The following CTNNA3 variants were observed in gnomAD, a reference collection of about 807,000 sequenced individuals.
CTNNA3 encodes catenin alpha 3.
Under a neutral mutation model 95.7 loss-of-function variants are expected in CTNNA3, and 76 were observed. The observed-to-expected ratio is 0.79, with a 90% CI of 0.66 to 0.96. CTNNA3 has a LOEUF of 0.96. CTNNA3 is among the 40% of genes least tolerant of loss of function. The pLI is 0.00. For missense variants in CTNNA3, 1,191 were observed against 1,089.8 expected (o/e 1.09, Z -1.31); for synonymous variants, 431 against 374.4 (o/e 1.15, Z -1.74).
chr10:66,210,275 A>C (rs2088055325), intron 13 of CTNNA3, among the ~76,000 whole-genome samples: 1 of 151,270 alleles, frequency 6.6e-6, no homozygotes, highest in South Asian at 2.1e-4. Context: ...TGGGGAAAAA[A>C]TGGCAATGAT....
intron 7 of CTNNA3, among the ~76,000 whole-genome samples, chr10:67,069,570 C>G (rs985987586): frequency 1.7e-4 from 24 of 142,636 alleles, no homozygotes; most frequent in Middle Eastern, 7.5e-3. Context: ...CCACCCCACC[C>G]CACCCCACCC....
chr10:67,666,494 AT>A lies in CTNNA3; in HGVS notation c.-5-18977del, dbSNP rs80210534. 0.034 allele frequency among the ~76,000 whole-genome samples: 5,160 copies of A among 152,172 alleles called. 616 individuals carry two copies. The East Asian group carries it at 0.44, about 13-fold the overall frequency. Reference sequence around the variant, plus strand: ...ATTGGCTTCATTCTTCACATTTACAATTTTTTCCTATATTATTTCACAATAC... The same window carrying A: ...ATTGGCTTCATTCTTCACATTTACAATTTTTCCTATATTATTTCACAATAC... On this transcript the variant is annotated intron_variant, in intron 1 of 17. Coordinates refer to ENST00000433211, the MANE Select transcript of CTNNA3 (RefSeq NM_013266.4).
intron 13 of CTNNA3, among the ~76,000 whole-genome samples, chr10:66,235,154 C>T (rs2089787282): frequency 6.6e-6 from 1 of 152,198 alleles, no homozygotes; most frequent in Non-Finnish European, 1.5e-5. Flanking sequence ...AAATTATACC[C>T]AGACTGCTGA....
intron 10 of CTNNA3, among the ~76,000 whole-genome samples, chr10:66,545,972 A>G (rs1308145083): frequency 4.0e-5 from 6 of 150,256 alleles, no homozygotes; most frequent in Non-Finnish European, 8.9e-5. Context: ...TAAATATAAT[A>G]TATTTATCTT....
At chr10:66,688,059 A>G (rs1847368377) in intron 9 of CTNNA3, among the ~76,000 whole-genome samples, 3 of 152,140 alleles carry the variant, frequency 2.0e-5, no homozygotes, top group Admixed American at 1.3e-4. Flanking sequence ...ATATGGTAGA[A>G]TTAAAGTAAA....
chr10:66,033,809 T>C (rs2079499948), intron 15 of CTNNA3, among the ~76,000 whole-genome samples: 1 of 152,150 alleles, frequency 6.6e-6, no homozygotes, highest in Non-Finnish European at 1.5e-5. Context: ...CCTCTACACG[T>C]CATAGAGAGA....
rs115554709 is a variant in CTNNA3, at chr10:66,419,672, C to T, written c.1532-40320G>A. 5.0e-3 allele frequency among the ~76,000 whole-genome samples: 760 copies of T among 152,218 alleles called. 7 individuals are homozygous for T. Among genetic ancestry groups the T allele is most frequent in the African/African-American group, 0.017 (723 of 41,564 alleles). On this transcript the variant is annotated intron_variant, in intron 11 of 17. Coordinates refer to ENST00000433211, the MANE Select transcript of CTNNA3 (RefSeq NM_013266.4). ...GGGCTATAATAACCAAAACACTTGGCATTGGCATAAAAATAGACACATACC... is the reference window on the plus strand; with the variant it reads ...GGGCTATAATAACCAAAACACTTGGTATTGGCATAAAAATAGACACATACC...
At chr10:67,392,953 G>A (rs1163105910) in intron 5 of CTNNA3, among the ~76,000 whole-genome samples, 2 of 152,068 alleles carry the variant, frequency 1.3e-5, no homozygotes, top group Non-Finnish European at 2.9e-5. Flanking sequence ...TATACCTAAT[G>A]CTAGATGATG....
chr10:66,797,719 A>T (rs1009289132), intron 7 of CTNNA3, among the ~76,000 whole-genome samples: 1 of 151,844 alleles, frequency 6.6e-6, no homozygotes, highest in Admixed American at 6.6e-5. Context: ...AGTGTCTGTG[A>T]TTGTCCTTGC....
chr10:66,798,399 T>A (rs1219757218), intron 7 of CTNNA3, among the ~76,000 whole-genome samples: 2 of 151,790 alleles, frequency 1.3e-5, no homozygotes, highest in East Asian at 3.9e-4. Context: ...AAAGTTTCTG[T>A]AAAGAAAGAT....
At chr10:66,311,762 T>C (rs895579984) in intron 12 of CTNNA3, among the ~76,000 whole-genome samples, 4 of 152,164 alleles carry the variant, frequency 2.6e-5, no homozygotes, top group Admixed American at 6.5e-5. Flanking sequence ...CTCTTGTATA[T>C]GGAAAAGGAA....
At chr10:66,716,915 G>T (rs1848469481) in intron 9 of CTNNA3, among the ~76,000 whole-genome samples, 1 of 152,024 alleles carries the variant, frequency 6.6e-6, no homozygotes, top group Non-Finnish European at 1.5e-5. Flanking sequence ...TTCTGTGAAG[G>T]TATTTTACAG....
At chr10:66,754,673 A>G (rs2132741309) in intron 9 of CTNNA3, among the ~76,000 whole-genome samples, 1 of 152,286 alleles carries the variant, frequency 6.6e-6, no homozygotes, top group African/African-American at 2.4e-5. Flanking sequence ...CCAAATAGAT[A>G]TTTCTATTAA....
chr10:67,056,731 T>A (rs955463934), intron 7 of CTNNA3, among the ~76,000 whole-genome samples: 2 of 152,196 alleles, frequency 1.3e-5, no homozygotes, highest in Non-Finnish European at 2.9e-5. Flanking sequence ...TCAAGAGCTA[T>A]AATTAAAATA....
intron 7 of CTNNA3, among the ~76,000 whole-genome samples, chr10:67,045,974 C>T (rs185321339): frequency 6.6e-6 from 1 of 152,232 alleles, no homozygotes; most frequent in East Asian, 1.9e-4. Flanking sequence ...AGTATAACCA[C>T]ATCATGTTTG....
intron 7 of CTNNA3, among the ~76,000 whole-genome samples, chr10:66,890,848 G>A (rs1223771406): frequency 1.3e-5 from 2 of 152,116 alleles, no homozygotes; most frequent in African/African-American, 4.8e-5. Context: ...CACCACTGAA[G>A]GACTGAAGTA....
At chr10:66,527,996 G>C (rs546277904) in intron 10 of CTNNA3, among the ~76,000 whole-genome samples, 8 of 152,160 alleles carry the variant, frequency 5.3e-5, no homozygotes, top group Non-Finnish European at 1.2e-4. Context: ...TAATTGGATT[G>C]ATTGAGGTTA....
At chr10:67,143,429 A>AAAAAAAAAAAAAAAAAAAAAAAG (rs1860688404) in intron 7 of CTNNA3, among the ~76,000 whole-genome samples, 1 of 149,322 alleles carries the variant, frequency 6.7e-6, no homozygotes, top group Non-Finnish European at 1.5e-5. Context: ...CTGTCTTAAA[A>AAAAAAAAAAAAAAAAAAAAAAAG]AAAAAAAAAA....
intron 16 of CTNNA3, among the ~76,000 whole-genome samples, chr10:65,983,595 C>G (rs2078367306): frequency 6.6e-6 from 1 of 151,312 alleles, no homozygotes; most frequent in African/African-American, 2.4e-5. Context: ...GTAAGAATAG[C>G]TATAACAATC....
Sources: gnomAD v4.1 joint callset for allele counts (sites outside exome capture counted in the v4.1 genomes callset) on GRCh38, gnomAD v4.1.1 for gene constraint, MANE v1.5 for transcripts, NCBI Gene and HGNC (gene_info 2026-07-23, HGNC 2026-07-21) for gene names.